The following GLIS3 variants were observed in gnomAD, a reference collection of about 807,000 sequenced individuals.
GLIS3 encodes GLIS family zinc finger 3, also known as zinc finger protein GLIS3.
GLIS3 carries 53 observed loss-of-function variants against 78.6 expected under a neutral mutation model. The observed-to-expected ratio is 0.67, with a 90% CI of 0.54 to 0.85. The LOEUF is 0.85. GLIS3 is among the 40% of genes least tolerant of loss of function. The pLI is 0.00. For missense variants in GLIS3, 1,703 were observed against 1,231.1 expected (o/e 1.38, Z -5.74); for synonymous variants, 684 against 509.9 (o/e 1.34, Z -4.60).
At chr9:4,448,497 A>G in the GLIS3 span, among the ~76,000 whole-genome samples, 4 of 152,150 alleles carry the variant, frequency 2.6e-5, no homozygotes, top group Admixed American at 2.6e-4. Flanking sequence ...TCTTTAAGTG[A>G]TCTCCCCACT....
intron 4 of GLIS3, among the ~76,000 whole-genome samples, chr9:3,950,993 T>A (rs1340050827): frequency 6.6e-6 from 1 of 152,174 alleles, no homozygotes; most frequent in African/African-American, 2.4e-5. Flanking sequence ...GAGACAAACT[T>A]ACAGAACAGA....
intron 4 of GLIS3, among the ~76,000 whole-genome samples, chr9:3,972,058 G>C (rs1818419477): frequency 6.6e-6 from 1 of 152,172 alleles, no homozygotes; most frequent in Admixed American, 6.6e-5. Context: ...ACACTAGCGT[G>C]TTAGCATTTC....
At chr9:4,248,158 A>G (rs1823984868) in intron 2 of GLIS3, among the ~76,000 whole-genome samples, 2 of 152,134 alleles carry the variant, frequency 1.3e-5, no homozygotes, top group South Asian at 4.1e-4. Flanking sequence ...TTACATAGGT[A>G]TGCACGTGAC....
At chr9:4,043,068 G>A (rs539259249) in intron 4 of GLIS3, among the ~76,000 whole-genome samples, 13 of 152,062 alleles carry the variant, frequency 8.5e-5, no homozygotes, top group African/African-American at 2.2e-4. Context: ...TTTCTCCCCC[G>A]GAGCCACAAT....
At chr9:3,833,758 AT>A (rs1468891076) in intron 9 of GLIS3, among the ~76,000 whole-genome samples, 1 of 152,210 alleles carries the variant, frequency 6.6e-6, no homozygotes. Context: ...TATACATTTA[AT>A]TTCAGAATCA....
chr9:4,157,432 G>T (rs908236021), intron 2 of GLIS3, among the ~76,000 whole-genome samples: 4 of 152,114 alleles, frequency 2.6e-5, no homozygotes, highest in Non-Finnish European at 5.9e-5. Flanking sequence ...ACAATGAAAT[G>T]TTCATCTCAT....
chr9:4,199,294 C>T (rs1264437047), intron 2 of GLIS3, among the ~76,000 whole-genome samples: 1 of 152,090 alleles, frequency 6.6e-6, no homozygotes, highest in Non-Finnish European at 1.5e-5. Context: ...CGAGACCAAT[C>T]TATCTCCTGT....
intron 2 of GLIS3, among the ~76,000 whole-genome samples, chr9:4,193,191 C>A (rs907353068): frequency 6.6e-6 from 1 of 152,310 alleles, no homozygotes; most frequent in Admixed American, 6.5e-5. Context: ...TTTTGTATGG[C>A]CCTATGGGCT....
At chr9:3,836,486 C>T (rs1051629522) in intron 9 of GLIS3, among the ~76,000 whole-genome samples, 19 of 152,204 alleles carry the variant, frequency 1.2e-4, no homozygotes, top group Admixed American at 3.9e-4. Context: ...GACAGGGACA[C>T]AGAAGATGCA....
chr9:4,398,506 G>T, the GLIS3 span, among the ~76,000 whole-genome samples: 146 of 151,986 alleles, frequency 9.6e-4, no homozygotes, highest in Non-Finnish European at 1.3e-4. Flanking sequence ...TTGAGGGGGT[G>T]GGGGCCTGGA....
At chr9:3,957,236 C>G (rs1021629836) in intron 4 of GLIS3, among the ~76,000 whole-genome samples, 1 of 152,192 alleles carries the variant, frequency 6.6e-6, no homozygotes, top group African/African-American at 2.4e-5. Context: ...GAGTGTTTTA[C>G]GCTGCCTACG....
chr9:4,409,102 T>C, the GLIS3 span, among the ~76,000 whole-genome samples: 24 of 152,216 alleles, frequency 1.6e-4, no homozygotes, highest in African/African-American at 5.5e-4. Context: ...CATAAACCAG[T>C]CTTGTATGGG....
intron 1 of GLIS3, among the ~76,000 whole-genome samples, chr9:4,287,369 A>T (rs183474127): frequency 2.0e-5 from 3 of 152,368 alleles, no homozygotes; most frequent in Non-Finnish European, 4.4e-5. Flanking sequence ...AACAAGAACC[A>T]AGAGAAGCAC....
chr9:3,986,669 G>C (rs940735029), intron 4 of GLIS3, among the ~76,000 whole-genome samples: 1 of 152,214 alleles, frequency 6.6e-6, no homozygotes, highest in Non-Finnish European at 1.5e-5. Context: ...CTGGCGGCCT[G>C]ACTGTGAAGC....
At chr9:4,331,318 G>A (rs565584915) in intron 2 of GLIS3, among the ~76,000 whole-genome samples, 13 of 152,068 alleles carry the variant, frequency 8.5e-5, no homozygotes, top group African/African-American at 1.2e-4. Context: ...TCCTTGTCTC[G>A]TGACATCAAT....
chr9:4,479,904 C>CTTTTTTTTTTTTTTTTTTT, the GLIS3 span, among the ~76,000 whole-genome samples: 18 of 108,714 alleles, frequency 1.7e-4, no homozygotes, highest in Non-Finnish European at 2.2e-4. Context: ...ATTTCTTCTT[C>CTTTTTTTTTTTTTTTTTTT]TTTTTTTTTT....
the GLIS3 span, among the ~76,000 whole-genome samples, chr9:4,422,985 T>C: frequency 6.6e-6 from 1 of 151,734 alleles, no homozygotes; most frequent in Admixed American, 6.6e-5. Context: ...ATCACAGGAG[T>C]CAAAAGAGAA....
chr9:4,196,315 A>G (rs1818840442), intron 2 of GLIS3, among the ~76,000 whole-genome samples: 1 of 152,204 alleles, frequency 6.6e-6, no homozygotes, highest in Non-Finnish European at 1.5e-5. Flanking sequence ...TCTCTGTAAA[A>G]TGGACCAATC....
intron 2 of GLIS3, among the ~76,000 whole-genome samples, chr9:4,314,865 G>A (rs946711006): frequency 3.3e-5 from 5 of 152,180 alleles, no homozygotes; most frequent in Non-Finnish European, 5.9e-5. Context: ...GCTCAGGGCC[G>A]GGCACCCAGC....
Sources: gnomAD v4.1 joint callset for allele counts (sites outside exome capture counted in the v4.1 genomes callset) on GRCh38, gnomAD v4.1.1 for gene constraint, MANE v1.5 for transcripts, NCBI Gene and HGNC (gene_info 2026-07-23, HGNC 2026-07-21) for gene names.